The following KCNMB4 variants were observed in gnomAD, a reference collection of about 807,000 sequenced individuals.
KCNMB4 encodes potassium calcium-activated channel subfamily M regulatory beta subunit 4.
A neutral mutation model predicts 20.7 loss-of-function variants in KCNMB4; 3 were observed. The ratio of observed to expected loss-of-function variants is 0.14; its 90% CI spans 0.07 to 0.37. The LOEUF (loss-of-function observed/expected upper bound fraction) is 0.37, where lower values mean the gene tolerates loss of function less well. Ranked by LOEUF, KCNMB4 falls within the 10% of genes least tolerant of loss-of-function variation. The probability of loss-of-function intolerance (pLI) is 1.00; values close to 1 mark genes in which losing one functional copy is unlikely to be tolerated. For missense variants in KCNMB4, 168 were observed against 265.9 expected, an observed-to-expected ratio of 0.63 and a Z score of 2.56; for synonymous variants, 110 against 113.4, an observed-to-expected ratio of 0.97 and a Z score of 0.19.
intron 2 of KCNMB4, among the ~76,000 whole-genome samples, chr12:70,426,117 A>C (rs1869206019): frequency 6.6e-6 from 1 of 152,060 alleles, no homozygotes; most frequent in Non-Finnish European, 1.5e-5. Flanking sequence ...AATATGGTGA[A>C]ACCCCATCTC....
chr12:70,413,031 T>G (rs569028292), intron 2 of KCNMB4, among the ~76,000 whole-genome samples: 1 of 152,340 alleles, frequency 6.6e-6, no homozygotes, highest in African/African-American at 2.4e-5. Flanking sequence ...TACATTTGTG[T>G]CTGTCTCCAT....
chr12:70,427,788 G>A lies in KCNMB4; in HGVS notation c.465-2697G>A, dbSNP rs528657857. 3.9e-5 allele frequency among the ~76,000 whole-genome samples: 6 copies of A among 152,094 alleles called. No individual in the cohort carries two copies. The East Asian group carries it at 1.2e-3, about 29-fold the overall frequency. On this transcript the variant is annotated intron_variant, in intron 2 of 2. Coordinates refer to ENST00000258111, the MANE Select transcript of KCNMB4 (RefSeq NM_014505.6). ...GAAAATATGTATGATTCCCACCACT[G>A]TCATCTGGGCTATTTTTCTGGCTCA...
At chr12:70,384,945 A>T (rs537245852) in intron 1 of KCNMB4, among the ~76,000 whole-genome samples, 1 of 151,638 alleles carries the variant, frequency 6.6e-6, no homozygotes, top group East Asian at 1.9e-4. Flanking sequence ...GATGCTCCCT[A>T]TTTAAAGGTG....
intron 1 of KCNMB4, among the ~76,000 whole-genome samples, chr12:70,386,025 A>G (rs1868254237): frequency 6.6e-6 from 1 of 152,222 alleles, no homozygotes; most frequent in Non-Finnish European, 1.5e-5. Context: ...ACATTGAAAC[A>G]AAAACCTATA....
chr12:70,413,576 T>C (rs779819480), intron 2 of KCNMB4, among the ~76,000 whole-genome samples: 7 of 152,108 alleles, frequency 4.6e-5, no homozygotes, highest in Non-Finnish European at 1.0e-4. Flanking sequence ...TTAGATAAAA[T>C]GGGGCTAGAA....
chr12:70,409,911 A>G (rs1868724795), intron 2 of KCNMB4, among the ~76,000 whole-genome samples: 1 of 152,218 alleles, frequency 6.6e-6, no homozygotes, highest in African/African-American at 2.4e-5. Context: ...GATTTCTCTT[A>G]AAATGTAGTG....
intron 2 of KCNMB4, among the ~76,000 whole-genome samples, chr12:70,422,540 T>TG (rs1869093201): frequency 6.6e-6 from 1 of 152,252 alleles, no homozygotes; most frequent in Non-Finnish European, 1.5e-5. Flanking sequence ...AGAGAATATC[T>TG]AACTAGGTTG....
intron 1 of KCNMB4, among the ~76,000 whole-genome samples, chr12:70,382,125 A>G: frequency 6.6e-6 from 1 of 152,234 alleles, no homozygotes; most frequent in Non-Finnish European, 1.5e-5. Context: ...TCTAATTAAA[A>G]TTAAAATTTT....
chr12:70,390,494 G>A (rs1388378035), intron 1 of KCNMB4, among the ~76,000 whole-genome samples: 1 of 152,154 alleles, frequency 6.6e-6, no homozygotes, highest in African/African-American at 2.4e-5. Context: ...GAAAGCATGG[G>A]TTTGCTTTAT....
intron 2 of KCNMB4, among the ~76,000 whole-genome samples, chr12:70,419,658 A>C (rs539423282): frequency 2.6e-5 from 4 of 152,358 alleles, no homozygotes; most frequent in Non-Finnish European, 4.4e-5. Flanking sequence ...TGCAGTTTAG[A>C]ATTGCTAGTG....
chr12:70,411,248 TAAAG>T (rs1250363155), intron 2 of KCNMB4, among the ~76,000 whole-genome samples: 1 of 151,996 alleles, frequency 6.6e-6, no homozygotes, highest in African/African-American at 2.4e-5. Context: ...AGGCAATTAG[TAAAG>T]AAATAAATGG....
chr12:70,409,068 G>C (rs916378140), intron 2 of KCNMB4, among the ~76,000 whole-genome samples: 3 of 152,186 alleles, frequency 2.0e-5, no homozygotes, highest in Admixed American at 6.5e-5. Context: ...CAAAAGGAGT[G>C]ATCAGTCTTT....
At chr12:70,391,642 G>A (rs1270564764) in intron 1 of KCNMB4, among the ~76,000 whole-genome samples, 1 of 152,064 alleles carries the variant, frequency 6.6e-6, no homozygotes, top group Non-Finnish European at 1.5e-5. Context: ...AATTTATAAA[G>A]GACACAGAGA....
At position 70,366,773 on chromosome 12, in the gene KCNMB4, C is replaced by G; in HGVS notation, c.39C>G (p.Ala13=). 1.2e-6 allele frequency: 2 copies of G among 1,610,306 alleles called. No individual in the cohort carries two copies. Among genetic ancestry groups the G allele is most frequent in the Non-Finnish European group, 1.7e-6 (2 of 1,179,530 alleles). The part of the protein sequence containing the change: ...KLRVAYEYTE[A]EDKSIRLGLF... The stretch of plus-strand genomic sequence containing the variant: ...GGGTGGCTTACGAGTACACGGAAGC[C>G]GAGGACAAGAGCATCCGGCTCGGCT... Residue 13 remains alanine (A), a synonymous_variant, in exon 1 of 3, where the codon GCC becomes GCG. Transcript: ENST00000258111.
chr12:70,371,543 G>A (rs12811369), intron 1 of KCNMB4, among the ~76,000 whole-genome samples: 2 of 152,202 alleles, frequency 1.3e-5, no homozygotes, highest in African/African-American at 4.8e-5. Context: ...AAAAGGCTAA[G>A]CAGAATTGTG....
At chr12:70,423,095 GT>G (rs919757808) in intron 2 of KCNMB4, among the ~76,000 whole-genome samples, 1 of 152,150 alleles carries the variant, frequency 6.6e-6, no homozygotes, top group Non-Finnish European at 1.5e-5. Context: ...CTAATCATGG[GT>G]CTAGTGCTAC....
intron 1 of KCNMB4, 107 bp downstream of exon 1, chr12:70,367,177 G>T: frequency 1.2e-6 from 1 of 828,384 alleles, no homozygotes; most frequent in East Asian, 2.8e-5. Flanking sequence ...GCATTGCTAG[G>T]AGGAGACCAG....
At chr12:70,429,374 G>A (rs556469057) in intron 2 of KCNMB4, among the ~76,000 whole-genome samples, 4 of 152,216 alleles carry the variant, frequency 2.6e-5, no homozygotes, top group Non-Finnish European at 4.4e-5. Flanking sequence ...GTATTAAAAA[G>A]TTAAAATTCC....
intron 2 of KCNMB4, among the ~76,000 whole-genome samples, chr12:70,421,470 G>GAAA (rs61303899): frequency 1.1e-4 from 8 of 75,656 alleles, no homozygotes; most frequent in Admixed American, 1.7e-4. Context: ...TCTCAAAAAA[G>GAAA]AAAAAAAAAA....
Sources: gnomAD v4.1 joint callset for allele counts (sites outside exome capture counted in the v4.1 genomes callset) on GRCh38, gnomAD v4.1.1 for gene constraint, MANE v1.5 for transcripts, NCBI Gene and HGNC (gene_info 2026-07-23, HGNC 2026-07-21) for gene names.